Variants in POU6F2 observed in about 807,000 individuals in gnomAD.
The protein encoded by POU6F2 is POU class 6 homeobox 2.
In POU6F2, 31 loss-of-function variants were observed where a neutral mutation model predicts 71.3. That is an observed-to-expected ratio of 0.43 (90% CI 0.33 to 0.59). The LOEUF is 0.59. Among genes scored for constraint, POU6F2 ranks in the 20% least tolerant of loss-of-function variants. The probability of loss-of-function intolerance (pLI) is 0.04; values close to 1 mark genes in which losing one functional copy is unlikely to be tolerated. For missense variants in POU6F2, 783 were observed against 856.8 expected (o/e 0.91, Z 1.07); for synonymous variants, 347 against 355.7 (o/e 0.98, Z 0.27).
At chr7:39,431,513 AAAC>A (rs1788099840) in intron 6 of POU6F2, among the ~76,000 whole-genome samples, 1 of 152,196 alleles carries the variant, frequency 6.6e-6, no homozygotes, top group Non-Finnish European at 1.5e-5. Context: ...TATCACTTAC[AAAC>A]CCAGCCCACC....
chr7:39,233,368 T>A (rs968584983), intron 4 of POU6F2, among the ~76,000 whole-genome samples: 3 of 152,198 alleles, frequency 2.0e-5, no homozygotes, highest in Non-Finnish European at 4.4e-5. Flanking sequence ...TTTCTCAACA[T>A]TATCACTAGC....
At chr7:39,030,868 A>G (rs1789926269) in intron 1 of POU6F2, among the ~76,000 whole-genome samples, 1 of 151,742 alleles carries the variant, frequency 6.6e-6, no homozygotes, top group Admixed American at 6.6e-5. Context: ...CCAAAAAAAA[A>G]TTGAACTAAA....
Position 38,987,766 on chromosome 7 carries a change from G to T in POU6F2, c.105+9708G>T, listed in dbSNP as rs76191094. On this transcript the variant is annotated intron_variant, in intron 1 of 9. Coordinates refer to ENST00000518318, the MANE Select transcript of POU6F2 (RefSeq NM_001370959.1). ...GTCTCTGCTCGTTCTCTTTAATTAC[G>T]TCACCTCACATATACTAAGAAGACA... 7.3e-3 allele frequency among the ~76,000 whole-genome samples: 1,103 copies of T among 152,004 alleles called. 13 individuals are homozygous for T. Among genetic ancestry groups the T allele is most frequent in the African/African-American group, 0.025 (1,046 of 41,456 alleles).
intron 2 of POU6F2, among the ~76,000 whole-genome samples, chr7:39,128,432 G>A (rs1411225289): frequency 6.6e-6 from 1 of 152,150 alleles, no homozygotes; most frequent in Admixed American, 6.5e-5. Context: ...GTGGTGCAGA[G>A]CTAGGCAGCT....
At chr7:39,262,026 A>G (rs1784146094) in intron 4 of POU6F2, among the ~76,000 whole-genome samples, 1 of 152,128 alleles carries the variant, frequency 6.6e-6, no homozygotes, top group Admixed American at 6.5e-5. Context: ...AAGGGTGGAG[A>G]AACACTGGAA....
chr7:39,091,633 T>C (rs1391154066), intron 2 of POU6F2, among the ~76,000 whole-genome samples: 1 of 152,194 alleles, frequency 6.6e-6, no homozygotes, highest in Non-Finnish European at 1.5e-5. Context: ...TTACAGTGTT[T>C]TTGTAGTTCA....
At chr7:39,348,948 A>G (rs1357714626) in intron 5 of POU6F2, among the ~76,000 whole-genome samples, 2 of 152,246 alleles carry the variant, frequency 1.3e-5, no homozygotes, top group African/African-American at 2.4e-5. Flanking sequence ...TGAAACCTCT[A>G]GAGCCTTTTA....
chr7:38,978,761 C>T (rs1788241730), intron 1 of POU6F2, among the ~76,000 whole-genome samples: 1 of 152,164 alleles, frequency 6.6e-6, no homozygotes, highest in Non-Finnish European at 1.5e-5. Context: ...TGGTCTGGGG[C>T]TGCTGTGATG....
At chr7:39,186,700 T>A (rs1210517938) in intron 2 of POU6F2, among the ~76,000 whole-genome samples, 1 of 152,194 alleles carries the variant, frequency 6.6e-6, no homozygotes, top group Non-Finnish European at 1.5e-5. Context: ...TGTCCTGAGC[T>A]CTATGTCCCT....
At chr7:39,348,344 A>G (rs1012658600) in intron 5 of POU6F2, among the ~76,000 whole-genome samples, 1 of 152,230 alleles carries the variant, frequency 6.6e-6, no homozygotes, top group Non-Finnish European at 1.5e-5. Context: ...TTTATATTAG[A>G]TGATCTTTAA....
chr7:39,435,044 T>G (rs1788204553), intron 7 of POU6F2, among the ~76,000 whole-genome samples: 1 of 152,204 alleles, frequency 6.6e-6, no homozygotes, highest in African/African-American at 2.4e-5. Context: ...TGATGGGCAT[T>G]TGGGTTGGTT....
intron 5 of POU6F2, among the ~76,000 whole-genome samples, chr7:39,400,245 C>T (rs1787270031): frequency 6.6e-6 from 1 of 152,210 alleles, no homozygotes; most frequent in Admixed American, 6.5e-5. Flanking sequence ...AGATGTTTTT[C>T]CTACCCCTAT....
intron 5 of POU6F2, among the ~76,000 whole-genome samples, chr7:39,342,927 C>T (rs1018739247): frequency 6.6e-6 from 1 of 152,118 alleles, no homozygotes; most frequent in Non-Finnish European, 1.5e-5. Flanking sequence ...CAGAGACGCA[C>T]AGGTAGGGGG....
intron 1 of POU6F2, among the ~76,000 whole-genome samples, chr7:39,015,861 A>ATATTATATATAGAT (rs1491232563): frequency 5.2e-5 from 3 of 57,234 alleles, no homozygotes; most frequent in African/African-American, 1.4e-4. Flanking sequence ...AGATATATAT[A>ATATTATATATAGAT]ATATATTATA....
intron 4 of POU6F2, among the ~76,000 whole-genome samples, chr7:39,250,558 T>G (rs1039717815): frequency 3.3e-5 from 5 of 152,228 alleles, no homozygotes; most frequent in African/African-American, 1.2e-4. Context: ...TTATCTCATC[T>G]CTTTATGATA....
At chr7:39,261,933 G>A (rs893333884) in intron 4 of POU6F2, among the ~76,000 whole-genome samples, 1 of 152,110 alleles carries the variant, frequency 6.6e-6, no homozygotes, top group Non-Finnish European at 1.5e-5. Flanking sequence ...TTCTCTCATC[G>A]TGATTTTAGG....
At chr7:39,276,230 A>C (rs1018740399) in intron 4 of POU6F2, among the ~76,000 whole-genome samples, 4 of 151,974 alleles carry the variant, frequency 2.6e-5, no homozygotes, top group East Asian at 1.9e-4. Flanking sequence ...CCCCATCAAA[A>C]AGTGGGCAAA....
At position 39,412,739 on chromosome 7, in the gene POU6F2, T is replaced by C. The variant is rs188295864; in HGVS notation, c.1113+5999T>C. ...AGGCACTCTTGTTTAACCACCTAGA[T>C]ATTAACAATTTTTTCCGTATTAGCT... On this transcript the variant is annotated intron_variant, in intron 6 of 9. Transcript: ENST00000518318. Among the ~76,000 whole-genome samples the C allele has an allele frequency of 2.2e-3, 319 of 145,248 alleles. 3 individuals carry two copies. The highest frequency in any genetic ancestry group is 0.02 in the Admixed American group (291 of 14,344).
intron 5 of POU6F2, among the ~76,000 whole-genome samples, chr7:39,379,631 A>C (rs1477520050): frequency 6.6e-6 from 1 of 152,204 alleles, no homozygotes; most frequent in Non-Finnish European, 1.5e-5. Context: ...GTAGAGCCAG[A>C]CAGTCTACAA....
Sources: gnomAD v4.1 joint callset for allele counts (sites outside exome capture counted in the v4.1 genomes callset) on GRCh38, gnomAD v4.1.1 for gene constraint, MANE v1.5 for transcripts, NCBI Gene and HGNC (gene_info 2026-07-23, HGNC 2026-07-21) for gene names.